Variants in CPNE3 observed in about 807,000 individuals in gnomAD.
CPNE3 encodes copine-3.
Under a neutral mutation model 63.9 loss-of-function variants are expected in CPNE3, and 68 were observed. The ratio of observed to expected loss-of-function variants is 1.06; its 90% confidence interval spans 0.87 to 1.30. The LOEUF is 1.30. Ranked by LOEUF, CPNE3 falls within the 50% of genes most tolerant of loss-of-function variation. CPNE3 has a pLI of 0.00. For missense variants in CPNE3, 665 were observed against 578.1 expected (o/e 1.15, Z -1.54); for synonymous variants, 219 against 197.5 (o/e 1.11, Z -0.91).
rs574390209 is a variant in CPNE3 at position 86,559,264 on chromosome 8, G to C, written c.*854G>C. 10 of 152,036 alleles carry C rather than the reference G, an allele frequency of 6.6e-5. No individual in the cohort carries two copies. Among genetic ancestry groups the C allele is most frequent in the African/African-American group, 2.4e-4 (10 of 41,480 alleles). 9.4% of individuals were successfully genotyped at this position (152,036 alleles called of 1,614,324 possible). ...TAATTGAGATTTGTTAAAACGGTTA[G>C]GACTGTTTTGTCCAGGAAAGATAAG... On this transcript the variant is annotated 3_prime_UTR_variant, in exon 17 of 17. Transcript: ENST00000517490.
chr8:86,517,130 T>C (rs183760907), intron 2 of CPNE3, among the ~76,000 whole-genome samples: 34 of 152,310 alleles, frequency 2.2e-4, no homozygotes, highest in Non-Finnish European at 4.4e-4. Flanking sequence ...GGGAATCGTA[T>C]TGGGGTTTTT....
intron 6 of CPNE3, among the ~76,000 whole-genome samples, chr8:86,533,368 C>T (rs1481343923): frequency 6.6e-6 from 1 of 151,926 alleles, no homozygotes; most frequent in Non-Finnish European, 1.5e-5. Context: ...CATGGCGAAA[C>T]CCCATCTCTA....
intron 8 of CPNE3, among the ~76,000 whole-genome samples, 197 bp downstream of exon 8, chr8:86,540,531 C>G (rs1820914631): frequency 6.6e-6 from 1 of 152,128 alleles, no homozygotes; most frequent in South Asian, 2.1e-4. Flanking sequence ...GCATGTTTGA[C>G]TAATCTGTTG....
chr8:86,518,596 A>G (rs1347476540), intron 2 of CPNE3, among the ~76,000 whole-genome samples: 1 of 152,182 alleles, frequency 6.6e-6, no homozygotes, highest in Non-Finnish European at 1.5e-5. Context: ...CAGTAGTGAG[A>G]CATCACCACT....
At chr8:86,516,017 G>T (rs1313316691) in intron 2 of CPNE3, among the ~76,000 whole-genome samples, 2 of 152,122 alleles carry the variant, frequency 1.3e-5, no homozygotes, top group African/African-American at 4.8e-5. Flanking sequence ...TGGTACCCAG[G>T]GCCACTTTTT....
chr8:86,548,220 C>A (rs1389185422), intron 11 of CPNE3, 81 bp from the exon 12 acceptor site: 4 of 1,471,328 alleles, frequency 2.7e-6, no homozygotes, highest in Admixed American at 3.8e-5. Context: ...GATTGTATCC[C>A]ATCTCTTGAA....
chr8:86,537,731 A>G (rs1460869288), intron 7 of CPNE3, 85 bp downstream of exon 7: 4 of 828,194 alleles, frequency 4.8e-6, no homozygotes, highest in Non-Finnish European at 8.3e-6. Flanking sequence ...TATTTATAAA[A>G]GTATCAATCT....
chr8:86,520,766 C>T (rs746761854), intron 2 of CPNE3, among the ~76,000 whole-genome samples: 1 of 148,312 alleles, frequency 6.7e-6, no homozygotes, highest in Non-Finnish European at 1.5e-5. Context: ...TCAAGTGATT[C>T]TCCTGCCTCA....
chr8:86,547,583 A>C (rs963720626), intron 10 of CPNE3, 128 bp from the exon 11 acceptor site: 4 of 628,602 alleles, frequency 6.4e-6, no homozygotes, highest in Non-Finnish European at 2.8e-6. Context: ...ACCTGAATGC[A>C]GGGGTAATTT....
chr8:86,528,863 TTA>T, intron 3 of CPNE3, 80 bp from the exon 4 acceptor site: 1 of 1,360,020 alleles, frequency 7.4e-7, no homozygotes, highest in Middle Eastern at 2.2e-4. Flanking sequence ...ATGCCTATGT[TTA>T]TGTTTAGTAT....
intron 8 of CPNE3, among the ~76,000 whole-genome samples, chr8:86,540,748 A>G (rs1285371419): frequency 6.6e-6 from 1 of 152,186 alleles, no homozygotes; most frequent in Non-Finnish European, 1.5e-5. Flanking sequence ...TGCCCTTAGC[A>G]AGGGAGGGCA....
Position 86,527,946 on chromosome 8 carries a change from A to ATTTTTTT in CPNE3, c.-10-571_-10-565dup, listed in dbSNP as rs869225401. Among the ~76,000 whole-genome samples the ATTTTTTT allele has an allele frequency of 8.3e-3, 711 of 85,936 alleles. 123 individuals are homozygous for ATTTTTTT. Among genetic ancestry groups the ATTTTTTT allele is most frequent in the African/African-American group, 0.036 (640 of 17,622 alleles). The allele number at this position is 85,936 out of a possible 152,430, so 56.4% of individuals were successfully genotyped here. On this transcript the variant is annotated intron_variant, in intron 2 of 16. Transcript: ENST00000517490. Reference sequence around the variant, plus strand: ...AAATTTATAGTTAAGGTAAAAAGAAATTTTTTTTTTTTTTTTTTTTTTTTT... The same window carrying ATTTTTTT: ...AAATTTATAGTTAAGGTAAAAAGAAATTTTTTTTTTTTTTTTTTTTTTTTTTTTTTTT...
chr8:86,540,234 C>A lies in CPNE3; in HGVS notation c.544-11C>A, dbSNP rs766503269. 49 of 1,576,138 alleles carry A rather than the reference C, an allele frequency of 3.1e-5. No homozygotes were observed. Among genetic ancestry groups the A allele is most frequent in the Non-Finnish European group, 3.7e-5 (42 of 1,146,930 alleles). ...TTTTTCTAACAGCTTTTTGAAACCACATTTTTATAGGTTGTTAAAAACAAC... is the reference window on the plus strand; with the variant it reads ...TTTTTCTAACAGCTTTTTGAAACCAAATTTTTATAGGTTGTTAAAAACAAC... On this transcript the variant is annotated splice_polypyrimidine_tract_variant and intron_variant, in intron 7 of 16. Transcript: ENST00000517490.
At chr8:86,556,917 T>C (rs972910228) in intron 16 of CPNE3, among the ~76,000 whole-genome samples, 17 of 152,168 alleles carry the variant, frequency 1.1e-4, no homozygotes, top group African/African-American at 4.1e-4. Context: ...AATCGTACAA[T>C]ATACAACCTT....
At chr8:86,551,529 G>A in intron 14 of CPNE3, 1 of 270,344 alleles carries the variant, frequency 3.7e-6, no homozygotes, top group Non-Finnish European at 6.8e-6. Flanking sequence ...CTCAATCTTT[G>A]GAGTAGATCA....
intron 4 of CPNE3, 23 bp downstream of exon 4, chr8:86,529,147 C>G (rs761302439): frequency 6.4e-7 from 1 of 1,568,970 alleles, no homozygotes; most frequent in Non-Finnish European, 8.7e-7. Context: ...AGCCACTGTA[C>G]TCTATTTTGT....
chr8:86,517,194 A>T (rs1820334779), intron 2 of CPNE3, among the ~76,000 whole-genome samples: 1 of 152,220 alleles, frequency 6.6e-6, no homozygotes, highest in African/African-American at 2.4e-5. Context: ...ATGCAATCAT[A>T]ACTTTTTAAA....
Position 86,558,395 on chromosome 8 carries a change from A to G in CPNE3, c.1599A>G (p.Lys533=), listed in dbSNP as rs1407733027. 1.1e-6 allele frequency: 1 copy of G among 872,838 alleles called. No homozygotes were observed. The highest frequency in any genetic ancestry group is 2.0e-6 in the Non-Finnish European group (1 of 501,674). 54.1% of individuals were successfully genotyped at this position (872,838 alleles called of 1,614,324 possible). ...KLLPPKNPAT[K]QQKQ is the part of the protein sequence containing the mutation. ...TTCCTCCCAAGAACCCAGCCACGAA[A>G]CAACAGAAGCAGTGACCACTTCAAC... The change falls in exon 17 of 17, where the codon AAA becomes AAG. Residue 533 remains lysine (K), a synonymous_variant. Transcript: ENST00000517490.
chr8:86,548,124 G>C (rs1163102317), intron 11 of CPNE3, among the ~76,000 whole-genome samples, 177 bp from the exon 12 acceptor site: 1 of 152,170 alleles, frequency 6.6e-6, no homozygotes, highest in Non-Finnish European at 1.5e-5. Context: ...AGAAGCATCA[G>C]GTTGTTTCAC....
Sources: allele counts gnomAD v4.1 joint callset (sites outside exome capture counted in the v4.1 genomes callset), GRCh38; gene constraint gnomAD v4.1.1; transcripts MANE v1.5; gene names NCBI Gene and HGNC (gene_info 2026-07-23, HGNC 2026-07-21).